SLC5A10: variants seen among roughly 807,000 people sequenced by gnomAD.
SLC5A10 encodes sodium/mannose cotransporter SLC5A10.
Under a neutral mutation model 68.9 loss-of-function variants are expected in SLC5A10, and 55 were observed. The ratio of observed to expected loss-of-function variants is 0.80; its 90% CI spans 0.64 to 1.00. SLC5A10 has a LOEUF of 1.00. Among genes scored for constraint, SLC5A10 ranks in the 50% least tolerant of loss-of-function variants. The probability of loss-of-function intolerance (pLI) is 0.00; values close to 1 mark genes in which losing one functional copy is unlikely to be tolerated. For missense variants in SLC5A10, 732 were observed against 819.3 expected (o/e 0.89, Z 1.30); for synonymous variants, 344 against 344.8 (o/e 1.00, Z 0.02).
chr17:18,997,330 TG>T (rs1383286524), intron 9 of SLC5A10, among the ~76,000 whole-genome samples: 1 of 152,202 alleles, frequency 6.6e-6, no homozygotes, highest in African/African-American at 2.4e-5. Context: ...GGAAAGGCCA[TG>T]AGGTGACCAA....
At chr17:18,992,763 CCCTGCCGAGGGA>C (rs1452671785) in intron 9 of SLC5A10, among the ~76,000 whole-genome samples, 1 of 152,214 alleles carries the variant, frequency 6.6e-6, no homozygotes, top group Non-Finnish European at 1.5e-5. Context: ...TCTCTGATGT[CCCTGCCGAGGGA>C]CCCCAACTCC....
intron 10 of SLC5A10, 74 bp downstream of exon 10, chr17:19,013,591 T>C: frequency 1.7e-6 from 1 of 576,662 alleles, no homozygotes; most frequent in Non-Finnish European, 2.6e-6. Context: ...ATGGGGACTG[T>C]GGAGGCTGCC....
intron 9 of SLC5A10, among the ~76,000 whole-genome samples, chr17:18,999,687 G>A (rs967159730): frequency 6.6e-6 from 1 of 152,244 alleles, no homozygotes; most frequent in African/African-American, 2.4e-5. Context: ...ACTTCAGTGT[G>A]TGAAGGCGGG....
chr17:18,978,013 G>A (rs757061635), intron 9 of SLC5A10: 30 of 1,553,052 alleles, frequency 1.9e-5, no homozygotes, highest in Non-Finnish European at 2.3e-5. Context: ...GGAGTGGGGC[G>A]TGGCCTGGGC....
chr17:18,967,118 AGGGCTAAGT>A (rs2042726271), intron 5 of SLC5A10, among the ~76,000 whole-genome samples: 2 of 152,200 alleles, frequency 1.3e-5, no homozygotes, highest in South Asian at 4.1e-4. Context: ...AGGGTCGGAT[AGGGCTAAGT>A]GATGTCTGAA....
intron 9 of SLC5A10, among the ~76,000 whole-genome samples, chr17:19,007,507 G>A (rs549611119): frequency 2.1e-4 from 32 of 152,194 alleles, no homozygotes; most frequent in Middle Eastern, 3.4e-3. Context: ...GACTCAAGCC[G>A]TCCTCCCACT....
chr17:18,978,687 C>T (rs1473928240), intron 9 of SLC5A10: 1 of 1,612,876 alleles, frequency 6.2e-7, no homozygotes, highest in African/African-American at 1.3e-5. Context: ...GAGGGCAGCA[C>T]AATAGGCTCC....
chr17:18,952,976 C>G (rs1024768450), intron 1 of SLC5A10, among the ~76,000 whole-genome samples: 1 of 152,066 alleles, frequency 6.6e-6, no homozygotes, highest in Non-Finnish European at 1.5e-5. Context: ...ATCGTGGAGG[C>G]CTTCCTGAGG....
chr17:18,952,615 C>T lies in SLC5A10; in HGVS notation c.111+299C>T, dbSNP rs1013829276. On this transcript the variant is annotated intron_variant, in intron 1 of 14. Coordinates refer to ENST00000395645, the MANE Select transcript of SLC5A10 (RefSeq NM_001042450.4). ...GAGTCCTTGGGTGTGGCCCATCAGC[C>T]TCCTGGTCCCAGTCTCCATGGTGTC... 6.8e-5 allele frequency: 18 copies of T among 262,824 alleles called. 1 individual carries two copies. In the East Asian group the frequency reaches 1.5e-3, roughly 23 times the overall value. 16.3% of individuals were successfully genotyped at this position (262,824 alleles called of 1,614,324 possible).
chr17:18,998,711 G>A (rs1294931606), intron 9 of SLC5A10, among the ~76,000 whole-genome samples: 3 of 152,218 alleles, frequency 2.0e-5, no homozygotes, highest in East Asian at 3.8e-4. Flanking sequence ...GAGCGCACAG[G>A]AGTTAACACC....
chr17:18,951,243 C>T (rs1210850759), upstream of SLC5A10, among the ~76,000 whole-genome samples: 3 of 152,206 alleles, frequency 2.0e-5, no homozygotes, highest in Non-Finnish European at 4.4e-5. Flanking sequence ...AATTAGTGAG[C>T]GAGCGTCCCA....
intron 8 of SLC5A10, 149 bp from the exon 9 acceptor site, chr17:18,976,705 G>T: frequency 3.9e-6 from 4 of 1,031,552 alleles, no homozygotes; most frequent in South Asian, 1.6e-5. Context: ...TGACAGTATT[G>T]GGGCTTTGAG....
intron 9 of SLC5A10, among the ~76,000 whole-genome samples, chr17:18,987,357 CA>C (rs1472662318): frequency 1.3e-5 from 2 of 152,208 alleles, no homozygotes; most frequent in African/African-American, 4.8e-5. Context: ...TTAAATTAAC[CA>C]ATGCAAAGTG....
intron 9 of SLC5A10, chr17:18,978,703 C>T (rs748625657): frequency 3.6e-5 from 58 of 1,612,836 alleles, no homozygotes; most frequent in Non-Finnish European, 4.7e-5. Flanking sequence ...GCTCCGGCTC[C>T]GGTTCCTTCT....
At chr17:19,002,355 T>C (rs1297092397) in intron 9 of SLC5A10, among the ~76,000 whole-genome samples, 8 of 152,170 alleles carry the variant, frequency 5.3e-5, no homozygotes, top group Non-Finnish European at 1.2e-4. Context: ...GACTCCACCT[T>C]CCTGGAAACT....
intron 9 of SLC5A10, among the ~76,000 whole-genome samples, chr17:18,990,280 A>T (rs973204848): frequency 3.5e-4 from 53 of 152,148 alleles, no homozygotes; most frequent in African/African-American, 1.2e-3. Flanking sequence ...CAGAGAAGAC[A>T]CGATGCAGGC....
At chr17:18,978,970 G>C in intron 9 of SLC5A10, 1 of 1,145,930 alleles carries the variant, frequency 8.7e-7, no homozygotes, top group Non-Finnish European at 1.2e-6. Flanking sequence ...ATCAAGAAGT[G>C]AATGGGGGCA....
Position 18,979,304 on chromosome 17 carries a change from G to A in SLC5A10, c.982+2315G>A, listed in dbSNP as rs563902478. 419 of 554,178 alleles carry A rather than the reference G, an allele frequency of 7.6e-4. 1 individual carries two copies. The highest frequency in any genetic ancestry group is 7.2e-3 in the African/African-American group (383 of 53,036). The allele number at this position is 554,178 out of a possible 1,614,324, so 34.3% of individuals were successfully genotyped here. On this transcript the variant is annotated intron_variant, in intron 9 of 14. Coordinates refer to ENST00000395645, the MANE Select transcript of SLC5A10 (RefSeq NM_001042450.4). ...GACCCCCATAGGCTTGCGAAGGCAC[G>A]GCCTGGCCACACCCCACCTCCAGGC...
In SLC5A10 at chr17:18,968,870, G is replaced by C. The variant is rs576959646; in HGVS notation, c.454-182G>C. The C allele has an allele frequency of 3.4e-6, 2 of 594,298 alleles. No homozygotes were observed. Among genetic ancestry groups the C allele is most frequent in the Admixed American group, 3.1e-5 (1 of 32,744 alleles). The allele number at this position is 594,298 out of a possible 1,614,324, so 36.8% of individuals were successfully genotyped here. Reference sequence around the variant, plus strand: ...CATCCGCACAAGCTTGTAGCTCCACGGCCAGGTCTTCCCCCAACCTCACAA... The same window carrying C: ...CATCCGCACAAGCTTGTAGCTCCACCGCCAGGTCTTCCCCCAACCTCACAA... On this transcript the variant is annotated intron_variant, in intron 5 of 14. Coordinates refer to ENST00000395645, the MANE Select transcript of SLC5A10 (RefSeq NM_001042450.4). This position sits in a 1 kb window ranked among gnomAD's most constrained non-coding sequence, Gnocchi z 4.1.
Sources: allele counts gnomAD v4.1 joint callset (sites outside exome capture counted in the v4.1 genomes callset), GRCh38; gene constraint gnomAD v4.1.1; non-coding constraint Gnocchi (gnomAD v3.1); transcripts MANE v1.5; gene names NCBI Gene and HGNC (gene_info 2026-07-23, HGNC 2026-07-21).